Variants in GPLD1 observed in about 807,000 individuals in gnomAD.
GPLD1 encodes the protein glycosylphosphatidylinositol specific phospholipase D1.
Under a neutral mutation model 112.6 loss-of-function variants are expected in GPLD1, and 84 were observed. The observed-to-expected ratio is 0.75, with a 90% CI of 0.63 to 0.89. The LOEUF (loss-of-function observed/expected upper bound fraction) is 0.89, where lower values mean the gene tolerates loss of function less well. Among genes scored for constraint, GPLD1 ranks in the 40% least tolerant of loss-of-function variants. The pLI, the probability that GPLD1 is intolerant of heterozygous loss-of-function variation, is 0.00. For synonymous variants in GPLD1, 386 were observed against 403.8 expected (o/e 0.96, Z 0.53); for missense variants, 1,044 against 1,051.5 (o/e 0.99, Z 0.10).
At chr6:24,465,282 G>A (rs562293349) in intron 10 of GPLD1, among the ~76,000 whole-genome samples, 6 of 151,980 alleles carry the variant, frequency 3.9e-5, no homozygotes, top group African/African-American at 1.2e-4. Context: ...GCTCATGCCT[G>A]TAATCCCAGC....
chr6:24,479,401 A>G (rs1764127322), intron 3 of GPLD1, among the ~76,000 whole-genome samples: 2 of 152,188 alleles, frequency 1.3e-5, no homozygotes, highest in African/African-American at 4.8e-5. Context: ...ACTCTTACAA[A>G]TAATAGTATC....
chr6:24,424,996 T>A (rs1762181842), downstream of GPLD1: 1 of 152,204 alleles, frequency 6.6e-6, no homozygotes, highest in South Asian at 2.1e-4. Flanking sequence ...CAGAACAGAA[T>A]GGAACAGGAC....
At chr6:24,447,072 T>C in intron 17 of GPLD1, 93 bp from the exon 18 acceptor site, 1 of 1,207,512 alleles carries the variant, frequency 8.3e-7, no homozygotes, top group East Asian at 2.4e-5. Context: ...CTAATAGAAG[T>C]GGGTTCATTT....
intron 22 of GPLD1, among the ~76,000 whole-genome samples, chr6:24,436,236 A>G (rs9467151): frequency 0.066 from 9,992 of 152,272 alleles, 770 homozygotes; most frequent in African/African-American, 0.19. Context: ...AGCCTGGGCA[A>G]TGGAACAGGA....
In GPLD1 at chr6:24,436,594, A is replaced by G. The variant is rs1762584098; in HGVS notation, c.2340T>C (p.Thr780=). 2 of 1,613,764 alleles carry G rather than the reference A, an allele frequency of 1.2e-6. No individual in the cohort carries two copies. The highest frequency in any genetic ancestry group is 2.2e-5 in the South Asian group (2 of 91,084). The change falls in exon 22 of 25, where the codon ACT becomes ACC. Residue 780 remains threonine (T), a synonymous_variant. Transcript: ENST00000230036. ...DMTGKCKSWI[T]PCPEEKAQYV... is the part of the protein sequence containing the mutation. ...CACTTACCTTTTCTTCTGGACATGG[A>G]GTTATCCATGATTTGCATTTGCCAG...
At chr6:24,445,523 C>G in intron 20 of GPLD1, 23 bp downstream of exon 20, 2 of 1,501,352 alleles carry the variant, frequency 1.3e-6, no homozygotes, top group Non-Finnish European at 1.8e-6. Context: ...AAAGGAAGCA[C>G]AGTTTCACAG....
intron 22 of GPLD1, 106 bp from the exon 23 acceptor site, chr6:24,433,495 T>C: frequency 2.8e-5 from 18 of 638,108 alleles, no homozygotes; most frequent in Admixed American, 6.0e-5. Flanking sequence ...TTTTTTTTTT[T>C]TTTTTTTTTT....
intron 5 of GPLD1, 85 bp from the exon 6 acceptor site, chr6:24,473,752 T>C (rs1374308994): frequency 1.2e-6 from 1 of 824,308 alleles, no homozygotes; most frequent in Non-Finnish European, 2.0e-6. Flanking sequence ...TGGTGGGAGA[T>C]GACAGCTAAC....
intron 20 of GPLD1, among the ~76,000 whole-genome samples, chr6:24,441,467 G>A (rs571850252): frequency 2.3e-4 from 35 of 152,234 alleles, no homozygotes; most frequent in South Asian, 1.0e-3. Flanking sequence ...GACACCACAC[G>A]AACTACTGGG....
intron 2 of GPLD1, 104 bp from the exon 3 acceptor site, chr6:24,480,063 T>C: frequency 1.4e-6 from 1 of 711,066 alleles, no homozygotes; most frequent in South Asian, 1.6e-5. Context: ...TATGGGGGTA[T>C]AGATGGAATG....
In GPLD1 at chr6:24,449,926, T is replaced by G. The variant is rs763730000; in HGVS notation, c.1336-27A>C. 9 of 1,528,850 alleles carry G rather than the reference T, an allele frequency of 5.9e-6. No homozygotes were observed. In the South Asian group the frequency reaches 1.0e-4, roughly 17 times the overall value. 94.7% of individuals were successfully genotyped at this position (1,528,850 alleles called of 1,614,324 possible). A position where few individuals can be genotyped will look rare whatever the true frequency, so the allele number is the denominator to read the frequency against. ...TGAAGAGGCACAAGTTTACTTCCCC[T>G]GGGCTGAGCCACGGCCTCGGAAAGA... is the stretch of plus-strand genomic sequence containing the variant. On this transcript the variant is annotated intron_variant, in intron 14 of 24. Coordinates refer to ENST00000230036, the MANE Select transcript of GPLD1 (RefSeq NM_001503.4).
In GPLD1 at chr6:24,426,065, A is replaced by G. The variant is rs1049904335; in HGVS notation, c.*2967T>C. The stretch of plus-strand genomic sequence containing the variant: ...TCTCTTAGGTCTGTGATACAAAGGC[A>G]TAAAACAATTCCTATCTTGAAGCCT... On this transcript the variant is annotated 3_prime_UTR_variant, in exon 25 of 25. Transcript: ENST00000230036. 6.6e-6 allele frequency: 1 copy of G among 152,246 alleles called. No individual in the cohort carries two copies. The highest frequency in any genetic ancestry group is 1.5e-5 in the Non-Finnish European group (1 of 68,046). The allele number at this position is 152,246 out of a possible 1,614,324, so 9.4% of individuals were successfully genotyped here.
At chr6:24,440,064 A>G (rs1581735059) in intron 20 of GPLD1, among the ~76,000 whole-genome samples, 1 of 151,928 alleles carries the variant, frequency 6.6e-6, no homozygotes, top group East Asian at 2.0e-4. Flanking sequence ...CAAAAGAGCT[A>G]TTGTGAAACA....
At chr6:24,437,621 G>A (rs370666824) in intron 20 of GPLD1, among the ~76,000 whole-genome samples, 3 of 152,160 alleles carry the variant, frequency 2.0e-5, no homozygotes, top group African/African-American at 7.2e-5. Flanking sequence ...GTGGACTCTG[G>A]ATGGAGTCCA....
Position 24,445,819 on chromosome 6 carries a change from C to A in GPLD1, c.1833G>T (p.Leu611Phe). 6.2e-7 allele frequency: 1 copy of A among 1,612,216 alleles called. No individual in the cohort carries two copies. The highest frequency in any genetic ancestry group is 8.5e-7 in the Non-Finnish European group (1 of 1,178,474). The stretch of plus-strand genomic sequence containing the variant: ...TCTTTTTCTCATCTCGGATGTGTAA[C>A]AAATGGCCCAGCCTAGAATGAAGCA... ...TWKNASRLGH[L>F]LHIRDEKKSL... Residue 611 changes from leucine to phenylalanine, a missense_variant, in exon 19 of 25, where the codon TTG becomes TTT. Transcript: ENST00000230036.
chr6:24,431,535 CTTTT>C (rs59056170), intron 24 of GPLD1, among the ~76,000 whole-genome samples: 1 of 139,028 alleles, frequency 7.2e-6, no homozygotes, highest in African/African-American at 2.7e-5. Flanking sequence ...TAAGGTTAAA[CTTTT>C]TTTTTTTTTT....
intron 22 of GPLD1, among the ~76,000 whole-genome samples, chr6:24,435,579 G>T (rs114064445): frequency 0.012 from 1,798 of 151,584 alleles, 23 homozygotes; most frequent in African/African-American, 0.04. Flanking sequence ...AAAATAGGTG[G>T]GGTACGGTGG....
chr6:24,447,296 A>G (rs1362372026), intron 17 of GPLD1, among the ~76,000 whole-genome samples: 1 of 152,174 alleles, frequency 6.6e-6, no homozygotes, highest in African/African-American at 2.4e-5. Flanking sequence ...ACCAGAGGTC[A>G]GGAGTTCAAG....
chr6:24,480,658 T>TAAAA (rs10654733), intron 2 of GPLD1, among the ~76,000 whole-genome samples: 4 of 151,856 alleles, frequency 2.6e-5, no homozygotes, highest in African/African-American at 7.3e-5. Context: ...TTGGGAGGGC[T>TAAAA]AAAAAAAGTG....
Sources: gnomAD v4.1 joint callset for allele counts (sites outside exome capture counted in the v4.1 genomes callset) on GRCh38, gnomAD v4.1.1 for gene constraint, MANE v1.5 for transcripts, NCBI Gene and HGNC (gene_info 2026-07-23, HGNC 2026-07-21) for gene names.